The following SLC35F2 variants were observed in gnomAD, a reference collection of about 807,000 sequenced individuals.
SLC35F2 encodes queuine/queuosine transporter SLC35F2.
A neutral mutation model predicts 38.1 loss-of-function variants in SLC35F2; 25 were observed. That is an observed-to-expected ratio of 0.66 (90% CI 0.48 to 0.92). The LOEUF (loss-of-function observed/expected upper bound fraction) is 0.92. Among genes scored for constraint, SLC35F2 ranks in the 40% least tolerant of loss-of-function variants. SLC35F2 has a pLI of 0.00. For synonymous variants in SLC35F2, 173 were observed against 181.7 expected (o/e 0.95, Z 0.38); for missense variants, 409 against 452.9 (o/e 0.90, Z 0.88).
At chr11:107,838,470 G>A (rs572488876) in intron 1 of SLC35F2, among the ~76,000 whole-genome samples, 42 of 151,452 alleles carry the variant, frequency 2.8e-4, no homozygotes, top group African/African-American at 8.2e-4. Flanking sequence ...GATTACAGGC[G>A]CCCGCCACCA....
chr11:107,793,908 C>T (rs953730335), intron 7 of SLC35F2, among the ~76,000 whole-genome samples: 1 of 151,936 alleles, frequency 6.6e-6, no homozygotes, highest in African/African-American at 2.4e-5. Context: ...GACTGAAAAC[C>T]ACCACCCAGA....
At chr11:107,826,984 T>C (rs1271008898) in intron 1 of SLC35F2, among the ~76,000 whole-genome samples, 3 of 152,036 alleles carry the variant, frequency 2.0e-5, no homozygotes, top group African/African-American at 7.2e-5. Flanking sequence ...CAGTGCTATG[T>C]CCCCCTACAA....
intron 1 of SLC35F2, among the ~76,000 whole-genome samples, chr11:107,826,277 AC>A (rs1474273481): frequency 6.9e-6 from 1 of 144,530 alleles, no homozygotes; most frequent in East Asian, 2.0e-4. Flanking sequence ...GAAAGATAAA[AC>A]TTTTTTTTTT....
intron 1 of SLC35F2, among the ~76,000 whole-genome samples, chr11:107,834,004 G>T (rs1329060527): frequency 6.6e-6 from 1 of 152,152 alleles, no homozygotes; most frequent in African/African-American, 2.4e-5. Flanking sequence ...TGCCGGACAC[G>T]GACTCAAGGC....
At chr11:107,857,471 G>T (rs961694378) in intron 1 of SLC35F2, among the ~76,000 whole-genome samples, 35 of 152,176 alleles carry the variant, frequency 2.3e-4, no homozygotes, top group African/African-American at 8.4e-4. Flanking sequence ...CCATTACACT[G>T]AATTGCCTCC....
Position 107,805,515 on chromosome 11 carries a change from C to A in SLC35F2, c.575G>T (p.Gly192Val). Residue 192 changes from glycine (G) to valine (V), a missense_variant and splice_region_variant, in exon 5 of 8, where the codon GGG becomes GTG. Gly to Val is a moderately radical substitution (Grantham distance 109). Coordinates refer to ENST00000525815, the MANE Select transcript of SLC35F2 (RefSeq NM_017515.5). The part of the protein sequence containing the change: ...DILAGREDNS[G>V]SDVLIGDILV... ...GATGTCACCAATCAATACATCACTC[C>A]CTGCAGGAAGACAAGCCACAGAAAG... The A allele has an allele frequency of 6.2e-7, 1 of 1,610,958 alleles. No individual in the cohort carries two copies. Among genetic ancestry groups the A allele is most frequent in the Non-Finnish European group, 8.5e-7 (1 of 1,179,004 alleles).
chr11:107,807,941 A>G (rs894401239), intron 3 of SLC35F2, among the ~76,000 whole-genome samples: 1 of 152,222 alleles, frequency 6.6e-6, no homozygotes, highest in Non-Finnish European at 1.5e-5. Context: ...CTCAGTCAAC[A>G]AATATTTGTT....
At chr11:107,814,654 T>G (rs943704012) in intron 2 of SLC35F2, among the ~76,000 whole-genome samples, 1 of 152,132 alleles carries the variant, frequency 6.6e-6, no homozygotes, top group African/African-American at 2.4e-5. Context: ...AGGTAAATTA[T>G]TGACTTTGGT....
rs76508519 is a variant in SLC35F2, at chr11:107,852,044, T to C, written c.110+6614A>G. ...GACTCCTTCAAAAATGTCTAGGACT[T>C]TACCCTGTGGAAGGCGGAAACCAAA... is the stretch of plus-strand genomic sequence containing the variant. On this transcript the variant is annotated intron_variant, in intron 1 of 7. Transcript: ENST00000525815. 5.3e-5 allele frequency among the ~76,000 whole-genome samples: 8 copies of C among 152,212 alleles called. No individual in the cohort carries two copies. The East Asian group carries it at 1.5e-3, about 29-fold the overall frequency.
In SLC35F2 at chr11:107,826,398, C is replaced by T. The variant is rs138964513; in HGVS notation, c.111-10433G>A. On this transcript the variant is annotated intron_variant, in intron 1 of 7. Coordinates refer to ENST00000525815, the MANE Select transcript of SLC35F2 (RefSeq NM_017515.5). ...TAGCTGGGATTACAGGCATGTGCCA[C>T]CACGTCCAACCAATTTTGTATTTTT... Among the ~76,000 whole-genome samples, 794 of 152,054 alleles carry T rather than the reference C, an allele frequency of 5.2e-3. 4 individuals are homozygous for T. The highest frequency in any genetic ancestry group is 0.018 in the African/African-American group (758 of 41,414).
At chr11:107,823,810 T>C (rs924926545) in intron 1 of SLC35F2, 1 of 165,292 alleles carries the variant, frequency 6.0e-6, no homozygotes, top group African/African-American at 2.4e-5. Context: ...GCACCTATAG[T>C]CCCAGCTACT....
At chr11:107,799,832 T>G (rs1349511852) in intron 7 of SLC35F2, among the ~76,000 whole-genome samples, 1 of 151,636 alleles carries the variant, frequency 6.6e-6, no homozygotes, top group Non-Finnish European at 1.5e-5. Context: ...CCTCCCAAAG[T>G]GCAGGCGTGA....
intron 1 of SLC35F2, among the ~76,000 whole-genome samples, chr11:107,834,867 T>G (rs1393180771): frequency 6.7e-6 from 1 of 150,366 alleles, no homozygotes; most frequent in Admixed American, 6.6e-5. Flanking sequence ...GGAATTATAA[T>G]TATTATACAT....
intron 7 of SLC35F2, among the ~76,000 whole-genome samples, chr11:107,800,501 G>A (rs1214584152): frequency 6.6e-6 from 1 of 152,188 alleles, no homozygotes; most frequent in African/African-American, 2.4e-5. Flanking sequence ...AAATTATCAG[G>A]TAACAGCCAG....
At chr11:107,855,884 A>G (rs1030421118) in intron 1 of SLC35F2, among the ~76,000 whole-genome samples, 2 of 151,678 alleles carry the variant, frequency 1.3e-5, no homozygotes, top group African/African-American at 4.8e-5. Flanking sequence ...AGGCTGAGGT[A>G]GATGGATCAC....
Position 107,834,652 on chromosome 11 carries a change from A to C in SLC35F2, c.111-18687T>G, listed in dbSNP as rs1368953660. On this transcript the variant is annotated intron_variant, in intron 1 of 7. Coordinates refer to ENST00000525815, the MANE Select transcript of SLC35F2 (RefSeq NM_017515.5). Reference sequence around the variant, plus strand: ...GTGACAAGAGTGAAACTCCATCTCAAAGAAAAATAAAATGAATGAAGCTAC... The same window carrying C: ...GTGACAAGAGTGAAACTCCATCTCACAGAAAAATAAAATGAATGAAGCTAC... Among the ~76,000 whole-genome samples, 5 of 152,296 alleles carry C rather than the reference A, an allele frequency of 3.3e-5. No homozygotes were observed. In the East Asian group the frequency reaches 9.6e-4, roughly 29 times the overall value.
intron 2 of SLC35F2, among the ~76,000 whole-genome samples, chr11:107,813,692 G>A (rs770391843): frequency 6.6e-6 from 1 of 152,030 alleles, no homozygotes; most frequent in Non-Finnish European, 1.5e-5. Flanking sequence ...TGGAGACAGG[G>A]TCTTGGTCTG....
intron 1 of SLC35F2, among the ~76,000 whole-genome samples, chr11:107,843,442 C>T (rs750228995): frequency 1.3e-5 from 2 of 151,552 alleles, no homozygotes; most frequent in Non-Finnish European, 2.9e-5. Flanking sequence ...CCCAGCTACT[C>T]GGGAGGCGGA....
chr11:107,815,564 A>AAAC (rs1226725035), intron 2 of SLC35F2, among the ~76,000 whole-genome samples: 15 of 151,466 alleles, frequency 9.9e-5, no homozygotes, highest in South Asian at 4.2e-4. Context: ...TCTCAAAAAC[A>AAAC]AACAACAACA....
Sources: allele counts gnomAD v4.1 joint callset (sites outside exome capture counted in the v4.1 genomes callset), GRCh38; gene constraint gnomAD v4.1.1; transcripts MANE v1.5; gene names NCBI Gene and HGNC (gene_info 2026-07-23, HGNC 2026-07-21).